CASC3: variants seen among roughly 807,000 people sequenced by gnomAD.
The protein encoded by CASC3 is protein CASC3.
In CASC3, 30 loss-of-function variants were observed where a neutral mutation model predicts 80.5. That is an observed-to-expected ratio of 0.37 (90% CI 0.28 to 0.51). CASC3 has a LOEUF of 0.51. CASC3 is among the 20% of genes least tolerant of loss of function. The pLI, the probability that CASC3 is intolerant of heterozygous loss-of-function variation, is 0.94. For synonymous variants in CASC3, 312 were observed against 333.6 expected (o/e 0.94, Z 0.70); for missense variants, 824 against 922.2 (o/e 0.89, Z 1.38).
chr17:40,163,076 G>GA (rs571157538), intron 6 of CASC3, among the ~76,000 whole-genome samples, 175 bp downstream of exon 6: 42 of 147,428 alleles, frequency 2.8e-4, no homozygotes, highest in South Asian at 8.7e-4. Flanking sequence ...AGAAAAAAAG[G>GA]AAAAAAAAAA....
intron 8 of CASC3, 61 bp downstream of exon 8, chr17:40,166,922 G>T: frequency 8.6e-6 from 10 of 1,158,094 alleles, no homozygotes; most frequent in Admixed American, 2.6e-5. Context: ...CTTGTTCATT[G>T]TTTAAACCAA....
intron 3 of CASC3, among the ~76,000 whole-genome samples, chr17:40,145,922 T>C (rs1051965708): frequency 2.6e-5 from 4 of 152,090 alleles, no homozygotes; most frequent in African/African-American, 9.7e-5. Flanking sequence ...TGAGCCACTA[T>C]GCTTTGTCTG....
chr17:40,141,190 C>G lies in CASC3; in HGVS notation c.232-17C>G. On this transcript the variant is annotated splice_polypyrimidine_tract_variant and intron_variant, in intron 1 of 13. Transcript: ENST00000264645. ...TGGAAATCACAGAACTAACCCATGT[C>G]TTCTGCTTTCTTTCAGGAGAGTGAA... is the stretch of plus-strand genomic sequence containing the variant. 1.2e-6 allele frequency: 2 copies of G among 1,612,876 alleles called. No homozygotes were observed. Among genetic ancestry groups the G allele is most frequent in the Non-Finnish European group, 1.7e-6 (2 of 1,178,924 alleles).
rs139973585 is a variant in CASC3 at position 40,163,708 on chromosome 17, G to A, written c.1013G>A (p.Arg338Gln). ...PVEAGGQHGGRSGETVKHEIS... is the reference protein window; with the variant it reads ...PVEAGGQHGGQSGETVKHEIS... ...GAAGCTGGTGGGCAGCATGGTGGCC[G>A]GTCTGGTGAGACTGTTAAGCATGAG... The change falls in exon 7 of 14, where the codon CGG (arginine) becomes CAG (glutamine). Residue 338 changes from arginine to glutamine, a missense_variant. Arg to Gln is a conservative substitution (Grantham distance 43, BLOSUM62 1). Transcript: ENST00000264645. The A allele has an allele frequency of 4.0e-5, 65 of 1,614,002 alleles. No homozygotes were observed. The highest frequency in any genetic ancestry group is 6.7e-5 in the East Asian group (3 of 44,898).
intron 7 of CASC3, among the ~76,000 whole-genome samples, chr17:40,165,071 C>T (rs1432858812): frequency 6.6e-6 from 1 of 151,756 alleles, no homozygotes; most frequent in Non-Finnish European, 1.5e-5. Flanking sequence ...CAGGCGCCCA[C>T]CACCGCGACT....
At chr17:40,166,061 C>T (rs1402798389) in intron 7 of CASC3, among the ~76,000 whole-genome samples, 1 of 152,070 alleles carries the variant, frequency 6.6e-6, no homozygotes, top group Admixed American at 6.6e-5. Flanking sequence ...CCACTGCATC[C>T]AGCCGGAATT....
chr17:40,154,771 G>A (rs971934763), intron 3 of CASC3, among the ~76,000 whole-genome samples: 1 of 152,170 alleles, frequency 6.6e-6, no homozygotes, highest in African/African-American at 2.4e-5. Flanking sequence ...CAAACTGAGA[G>A]TCATGAGTAT....
Position 40,163,744 on chromosome 17 carries a change from G to A in CASC3, c.1049G>A (p.Arg350Gln), listed in dbSNP as rs751323290. 12 of 1,614,122 alleles carry A rather than the reference G, an allele frequency of 7.4e-6. No homozygotes were observed. The highest frequency in any genetic ancestry group is 3.3e-5 in the South Asian group (3 of 91,082). ...ACTGTTAAGCATGAGATTAGTTACC[G>A]GTCACGGCGCCTAGAGCAGACTTCT... Reference protein sequence around the residue: ...GETVKHEISYRSRRLEQTSVR... With the variant: ...GETVKHEISYQSRRLEQTSVR... Residue 350 changes from arginine to glutamine, a missense_variant, in exon 7 of 14, where the codon CGG becomes CAG. By Grantham distance (43) the Arg-to-Gln change is conservative. Transcript: ENST00000264645.
rs140750934 is a variant in CASC3, at chr17:40,150,734, C to T, written c.297+9127C>T. Among the ~76,000 whole-genome samples the T allele has an allele frequency of 3.1e-3, 473 of 151,490 alleles. 1 individual carries two copies. The highest frequency in any genetic ancestry group is 5.0e-3 in the Admixed American group (76 of 15,268). ...TTTTTAAAAAACTGCTTTATTGTGG[C>T]AAGGCGCCGAGGCTCATGCCTTTAT... is the stretch of plus-strand genomic sequence containing the variant. On this transcript the variant is annotated intron_variant, in intron 3 of 13. Coordinates refer to ENST00000264645, the MANE Select transcript of CASC3 (RefSeq NM_007359.5).
intron 3 of CASC3, among the ~76,000 whole-genome samples, chr17:40,150,287 C>T (rs149983034): frequency 6.6e-6 from 1 of 151,924 alleles, no homozygotes; most frequent in Non-Finnish European, 1.5e-5. Flanking sequence ...TGGGAGGATC[C>T]CTTGAGCCCA....
At chr17:40,152,657 A>C (rs1401598060) in intron 3 of CASC3, among the ~76,000 whole-genome samples, 1 of 151,992 alleles carries the variant, frequency 6.6e-6, no homozygotes, top group Non-Finnish European at 1.5e-5. Flanking sequence ...TGTAGAGGCA[A>C]AGAATCGCTG....
intron 3 of CASC3, among the ~76,000 whole-genome samples, chr17:40,143,461 A>G (rs1353404147): frequency 1.3e-5 from 2 of 152,126 alleles, no homozygotes; most frequent in Non-Finnish European, 2.9e-5. Flanking sequence ...AATTTAAAAA[A>G]TAAAAATGAC....
At chr17:40,164,637 G>A (rs534656076) in intron 7 of CASC3, among the ~76,000 whole-genome samples, 20 of 151,530 alleles carry the variant, frequency 1.3e-4, no homozygotes, top group African/African-American at 3.9e-4. Context: ...AGTAGAGACC[G>A]GGTTTCACCA....
At chr17:40,149,780 C>G (rs1168981594) in intron 3 of CASC3, among the ~76,000 whole-genome samples, 1 of 149,842 alleles carries the variant, frequency 6.7e-6, no homozygotes, top group Non-Finnish European at 1.5e-5. Context: ...CCGAGGCGGG[C>G]AGATCACGAG....
chr17:40,141,908 G>A (rs1351990513), intron 3 of CASC3, among the ~76,000 whole-genome samples: 1 of 152,202 alleles, frequency 6.6e-6, no homozygotes, highest in Admixed American at 6.5e-5. Context: ...ATGTTTGACA[G>A]TTTGTTTTAT....
chr17:40,141,715 G>T, intron 3 of CASC3, 108 bp downstream of exon 3: 2 of 853,950 alleles, frequency 2.3e-6, no homozygotes, highest in East Asian at 4.9e-5. Context: ...ATCCTCTTGT[G>T]TATTCTTCAT....
At position 40,140,639 on chromosome 17, in the gene CASC3, CG is replaced by C. The variant is rs1315250258; in HGVS notation, c.95del (p.Gly32GlufsTer84). 1 of 1,607,308 alleles carries C rather than the reference CG, an allele frequency of 6.2e-7. No homozygotes were observed. The highest frequency in any genetic ancestry group is 1.3e-5 in the African/African-American group (1 of 74,786). ...CTCCGACAGCGGCGGCTCCCCGTTG[CG>C]GGGAGGCGGGAGCTGCAGCGGTAGC... is the stretch of plus-strand genomic sequence containing the variant. ...SGSDSGGSPLRGGGSCSGSAG... is the reference protein window; with the variant it reads ...SGSDSGGSPLXGGGSCSGSAG... On this transcript the variant is annotated frameshift_variant, in exon 1 of 14. Coordinates refer to ENST00000264645, the MANE Select transcript of CASC3 (RefSeq NM_007359.5). LOFTEE classifies it high-confidence loss of function.
chr17:40,147,228 G>A (rs914349384), intron 3 of CASC3, among the ~76,000 whole-genome samples: 2 of 152,192 alleles, frequency 1.3e-5, no homozygotes, highest in African/African-American at 4.8e-5. Context: ...GGAGCATGAC[G>A]ATGGTGCCCC....
intron 3 of CASC3, among the ~76,000 whole-genome samples, chr17:40,152,933 C>T (rs577626637): frequency 2.0e-5 from 3 of 152,066 alleles, no homozygotes; most frequent in South Asian, 4.2e-4. Flanking sequence ...CCCACCACCA[C>T]GCCCGGCTAA....
Sources: allele counts gnomAD v4.1 joint callset (sites outside exome capture counted in the v4.1 genomes callset), GRCh38; gene constraint gnomAD v4.1.1; transcripts MANE v1.5; gene names NCBI Gene and HGNC (gene_info 2026-07-23, HGNC 2026-07-21).